Variants in JHY observed in about 807,000 individuals in gnomAD.
JHY encodes jhy protein homolog.
In JHY, 69 loss-of-function variants were observed where a neutral mutation model predicts 78.0. The ratio of observed to expected loss-of-function variants is 0.88; its 90% CI spans 0.73 to 1.08. The LOEUF is 1.08. Ranked by LOEUF, JHY falls within the 50% of genes least tolerant of loss-of-function variation. JHY has a pLI of 0.00. For missense variants in JHY, 944 were observed against 927.8 expected (o/e 1.02, Z -0.23); for synonymous variants, 368 against 342.6 (o/e 1.07, Z -0.82).
At chr11:122,915,497 A>T (rs1565318372) in intron 3 of JHY, among the ~76,000 whole-genome samples, 6 of 151,778 alleles carry the variant, frequency 4.0e-5, no homozygotes. Context: ...GAAAAAGGGT[A>T]TTTTTTTTGT....
In JHY at chr11:122,962,904, C is replaced by T. The variant is rs923063148; in HGVS notation, c.*3459C>T. The stretch of plus-strand genomic sequence containing the variant: ...CCATCTTTGAACACCAGGAATAGTA[C>T]TTTTTATTTGTCTATGGAAAGAGGT... On this transcript the variant is annotated 3_prime_UTR_variant, in exon 9 of 9. Coordinates refer to ENST00000227349, the MANE Select transcript of JHY (RefSeq NM_024806.4). 6.6e-6 allele frequency among the ~76,000 whole-genome samples: 1 copy of T among 152,066 alleles called. No homozygotes were observed.
At chr11:122,940,423 A>G (rs1370920654) in intron 5 of JHY, among the ~76,000 whole-genome samples, 1 of 152,136 alleles carries the variant, frequency 6.6e-6, no homozygotes, top group Admixed American at 6.5e-5. Flanking sequence ...GAAAAAATTT[A>G]TTGTTTTTGG....
chr11:122,919,435 A>G (rs1863310106), intron 3 of JHY, among the ~76,000 whole-genome samples: 1 of 151,600 alleles, frequency 6.6e-6, no homozygotes, highest in Non-Finnish European at 1.5e-5. Flanking sequence ...AGAATGGCCT[A>G]TGCAAAGACC....
rs2135329575 is a variant in JHY at position 122,917,734 on chromosome 11, T to C, written c.865-7163T>C. ...GTGATTTTTTTGTTTTTATCTCTAA[T>C]GTGTCCATTCAGAGGTCACACTTAC... On this transcript the variant is annotated intron_variant, in intron 3 of 8. Transcript: ENST00000227349. This position sits in a 1 kb window ranked among gnomAD's most constrained non-coding sequence, Gnocchi z 4.1. Among the ~76,000 whole-genome samples the C allele has an allele frequency of 6.6e-6, 1 of 152,356 alleles. No homozygotes were observed. Among genetic ancestry groups the C allele is most frequent in the Admixed American group, 6.5e-5 (1 of 15,298 alleles).
chr11:122,953,182 A>T (rs1864126997), intron 6 of JHY, among the ~76,000 whole-genome samples: 1 of 152,234 alleles, frequency 6.6e-6, no homozygotes, highest in South Asian at 2.1e-4. Flanking sequence ...TAAATGTTCA[A>T]CATTTAGAGA....
rs754929143 is a variant in JHY at position 122,959,297 on chromosome 11, C to T, written c.2189C>T (p.Thr730Ile). Residue 730 changes from threonine to isoleucine, a missense_variant, in exon 9 of 9, where the codon ACT becomes ATT. Physicochemically the swap from Thr to Ile is moderately conservative, Grantham distance 89 (BLOSUM62 -1). Transcript: ENST00000227349. ...CCCAAACCCAAACCATCAAATCTGACTCATCAAGCATCAAAGGAACAAAAA... is the reference window on the plus strand; with the variant it reads ...CCCAAACCCAAACCATCAAATCTGATTCATCAAGCATCAAAGGAACAAAAA... The part of the protein sequence containing the change: ...TIPKPKPSNL[T>I]HQASKEQKNP... 1.9e-6 allele frequency: 3 copies of T among 1,614,122 alleles called. No individual in the cohort carries two copies. The East Asian group carries it at 6.7e-5, about 36-fold the overall frequency.
At chr11:122,894,166 C>CA (rs1357093432) in intron 2 of JHY, among the ~76,000 whole-genome samples, 1 of 151,820 alleles carries the variant, frequency 6.6e-6, no homozygotes, top group Non-Finnish European at 1.5e-5. Context: ...ACTAAAAATA[C>CA]AAAAATTAGC....
In JHY at chr11:122,918,003, C is replaced by T. The variant is rs191035312; in HGVS notation, c.865-6894C>T. ...GCAACCTCTGCCTCCCGGGTCCAAA[C>T]GACTGTCATGCCTCAGTCTCCCAAG... On this transcript the variant is annotated intron_variant, in intron 3 of 8. Transcript: ENST00000227349. Among the ~76,000 whole-genome samples the T allele has an allele frequency of 4.6e-5, 7 of 151,670 alleles. No individual in the cohort carries two copies. In the East Asian group the frequency reaches 1.2e-3, roughly 25 times the overall value.
rs1863711714 is a variant in JHY at position 122,934,670 on chromosome 11, A to T, written c.1229A>T (p.Lys410Met). Residue 410 changes from lysine to methionine, a missense_variant, in exon 5 of 9, where the codon AAG (lysine) becomes ATG (methionine). Coordinates refer to ENST00000227349, the MANE Select transcript of JHY (RefSeq NM_024806.4). ...AATAAGCCTCTTGATACTTCAACAAAGCCTGAATCGATTGTGATTATGCAT... is the reference window on the plus strand; with the variant it reads ...AATAAGCCTCTTGATACTTCAACAATGCCTGAATCGATTGTGATTATGCAT... ...NQNKPLDTSTKPESIVIMHAS... is the reference protein window; with the variant it reads ...NQNKPLDTSTMPESIVIMHAS... The T allele has an allele frequency of 6.2e-7, 1 of 1,614,064 alleles. No individual in the cohort carries two copies. Among genetic ancestry groups the T allele is most frequent in the African/African-American group, 1.3e-5 (1 of 74,916 alleles).
In JHY at chr11:122,935,032, C is replaced by A; in HGVS notation, c.1591C>A (p.Gln531Lys). ...AACCAAAAATAAGAAACAACTCAAA[C>A]AGCCTTATACAGAGACAAAATACAG... ...GSTKNKKQLKQPYTETKYRNL... is the reference protein window; with the variant it reads ...GSTKNKKQLKKPYTETKYRNL... Residue 531 changes from glutamine (Q) to lysine (K), a missense_variant, in exon 5 of 9, where the codon CAG becomes AAG. Gln to Lys is a moderately conservative substitution (Grantham distance 53). Coordinates refer to ENST00000227349, the MANE Select transcript of JHY (RefSeq NM_024806.4). This position sits in a 1 kb window ranked among gnomAD's most constrained non-coding sequence, Gnocchi z 4.5. 6.3e-7 allele frequency: 1 copy of A among 1,585,566 alleles called. No homozygotes were observed. The highest frequency in any genetic ancestry group is 8.5e-7 in the Non-Finnish European group (1 of 1,170,090).
At chr11:122,927,120 A>G (rs1026466262) in intron 4 of JHY, 1 of 152,214 alleles carries the variant, frequency 6.6e-6, no homozygotes, top group African/African-American at 2.4e-5. Flanking sequence ...AATACCCACC[A>G]TGATGACTTG....
At chr11:122,934,251 G>A (rs1482887970) in intron 4 of JHY, among the ~76,000 whole-genome samples, 169 bp from the exon 5 acceptor site, 2 of 152,004 alleles carry the variant, frequency 1.3e-5, no homozygotes, top group African/African-American at 4.8e-5. Flanking sequence ...GGGAGGCGGA[G>A]CTTGCAGTGA....
chr11:122,884,974 A>G (rs950706525), intron 1 of JHY, among the ~76,000 whole-genome samples: 4 of 131,778 alleles, frequency 3.0e-5, no homozygotes, highest in African/African-American at 1.1e-4. Context: ...AATTTTTTGT[A>G]TTTTTTTTTT....
chr11:122,949,827 TTTTC>T (rs1379828508), intron 6 of JHY, among the ~76,000 whole-genome samples: 2 of 142,958 alleles, frequency 1.4e-5, no homozygotes, highest in Non-Finnish European at 3.0e-5. Context: ...TCCTTTTTTC[TTTTC>T]TTTCTTTTCT....
rs1471969309 is a variant in JHY, at chr11:122,962,420, T to A, written c.*2975T>A. Among the ~76,000 whole-genome samples the A allele has an allele frequency of 6.6e-6, 1 of 152,196 alleles. No homozygotes were observed. The highest frequency in any genetic ancestry group is 2.4e-5 in the African/African-American group (1 of 41,456). On this transcript the variant is annotated 3_prime_UTR_variant, in exon 9 of 9. Transcript: ENST00000227349. ...AGTTAGAATTGAGAGTCTGCAAAGA[T>A]AACAAGTATCTGAAGATAAACAGAA... is the stretch of plus-strand genomic sequence containing the variant.
intron 3 of JHY, chr11:122,905,096 G>A: frequency 9.5e-7 from 1 of 1,051,856 alleles, no homozygotes. Context: ...CTGTGTAAAT[G>A]ATATGATATG....
intron 2 of JHY, among the ~76,000 whole-genome samples, chr11:122,889,662 C>T (rs1862568553): frequency 6.6e-6 from 1 of 152,146 alleles, no homozygotes; most frequent in Non-Finnish European, 1.5e-5. Context: ...CTTATATGTT[C>T]ATAATACATG....
At chr11:122,918,532 G>T (rs1863283704) in intron 3 of JHY, among the ~76,000 whole-genome samples, 1 of 151,384 alleles carries the variant, frequency 6.6e-6, no homozygotes, top group Non-Finnish European at 1.5e-5. Context: ...AGGATTTCTG[G>T]AAGAGGGAGT....
intron 2 of JHY, among the ~76,000 whole-genome samples, chr11:122,899,230 T>C (rs1272680830): frequency 6.6e-6 from 1 of 152,212 alleles, no homozygotes; most frequent in East Asian, 1.9e-4. Flanking sequence ...AATAAATACC[T>C]GCTGAATCAA....
Sources: allele counts gnomAD v4.1 joint callset (sites outside exome capture counted in the v4.1 genomes callset), GRCh38; gene constraint gnomAD v4.1.1; non-coding constraint Gnocchi (gnomAD v3.1); transcripts MANE v1.5; gene names NCBI Gene and HGNC (gene_info 2026-07-23, HGNC 2026-07-21).